The following ZNF418 variants were observed in gnomAD, a reference collection of about 807,000 sequenced individuals.
ZNF418 encodes zinc finger protein 418.
ZNF418 carries 32 observed loss-of-function variants against 32.0 expected under a neutral mutation model. That is an observed-to-expected ratio of 1.00 (90% CI 0.75 to 1.34). The LOEUF (loss-of-function observed/expected upper bound fraction) is 1.34. Ranked by LOEUF, ZNF418 falls within the 40% of genes most tolerant of loss-of-function variation. The pLI is 0.00. For missense variants in ZNF418, 804 were observed against 812.5 expected, an observed-to-expected ratio of 0.99 and a Z score of 0.13; for synonymous variants, 276 against 270.7, an observed-to-expected ratio of 1.02 and a Z score of -0.19.
In ZNF418 at chr19:57,935,013, G is replaced by A. The variant is rs2072638662; in HGVS notation, c.-81+148C>T. On this transcript the variant is annotated intron_variant, in intron 1 of 5. Transcript: ENST00000396147. ...GTCGCTCTCCCCACCGCATCCCACAGGTGTCAGAAACAAGGACCTCTCCCG... is the reference window on the plus strand; with the variant it reads ...GTCGCTCTCCCCACCGCATCCCACAAGTGTCAGAAACAAGGACCTCTCCCG... 2.1e-6 allele frequency: 3 copies of A among 1,423,160 alleles called. No individual in the cohort carries two copies. In the African/African-American group the frequency reaches 4.3e-5, roughly 21 times the overall value. 88.2% of individuals were successfully genotyped at this position (1,423,160 alleles called of 1,614,324 possible).
intron 2 of ZNF418, chr19:57,932,290 T>C (rs2072518684): frequency 1.4e-6 from 1 of 730,244 alleles, no homozygotes; most frequent in Non-Finnish European, 2.3e-6. Flanking sequence ...GGATTTGTGC[T>C]CAGGCCATTT....
rs768084870 is a variant in ZNF418, at chr19:57,926,833, C to T, written c.1348G>A (p.Gly450Arg). The T allele has an allele frequency of 1.9e-6, 3 of 1,614,070 alleles. No homozygotes were observed. Among genetic ancestry groups the T allele is most frequent in the South Asian group, 2.2e-5 (2 of 91,080 alleles). The change falls in exon 4 of 6, where the codon GGA becomes AGA. Residue 450 changes from glycine to arginine, a missense_variant. Physicochemically the swap from Gly to Arg is moderately radical, Grantham distance 125 (BLOSUM62 -2). Coordinates refer to ENST00000396147, the MANE Select transcript of ZNF418 (RefSeq NM_133460.3). Reference sequence around the variant, plus strand: ...TCTCTACACTCATAAGGCCTTTCTCCAGTGTGGCTTCGCTGATGCTGAATG... The same window carrying T: ...TCTCTACACTCATAAGGCCTTTCTCTAGTGTGGCTTCGCTGATGCTGAATG... Reference protein sequence around the residue: ...NLIQHQRSHTGERPYECRECR... With the variant: ...NLIQHQRSHTRERPYECRECR...
chr19:57,933,937 C>G, intron 1 of ZNF418, 35 bp from the exon 2 acceptor site: 1 of 1,605,852 alleles, frequency 6.2e-7, no homozygotes, highest in Non-Finnish European at 8.5e-7. Flanking sequence ...ACATCACCTC[C>G]TCGCCGCCCT....
intron 2 of ZNF418, chr19:57,932,637 G>A: frequency 6.9e-7 from 1 of 1,443,566 alleles, no homozygotes; most frequent in East Asian, 2.6e-5. Context: ...CCCTTGTTAT[G>A]GAGAATGGTC....
In ZNF418 at chr19:57,935,310, G is replaced by T; in HGVS notation, c.-230C>A. The T allele has an allele frequency of 1.1e-6, 1 of 922,332 alleles. No individual in the cohort carries two copies. Among genetic ancestry groups the T allele is most frequent in the Non-Finnish European group, 1.3e-6 (1 of 745,352 alleles). 57.1% of individuals were successfully genotyped at this position (922,332 alleles called of 1,614,324 possible). On this transcript the variant is annotated 5_prime_UTR_variant, in exon 1 of 6. Coordinates refer to ENST00000396147, the MANE Select transcript of ZNF418 (RefSeq NM_133460.3). ...TTCTGGGTTCAGACACCGCGGTTCGGACCCATAGCTCCAGCGCCTCTCACC... is the reference window on the plus strand; with the variant it reads ...TTCTGGGTTCAGACACCGCGGTTCGTACCCATAGCTCCAGCGCCTCTCACC...
At chr19:57,932,247 G>C (rs911818630) in intron 2 of ZNF418, among the ~76,000 whole-genome samples, 4 of 152,192 alleles carry the variant, frequency 2.6e-5, no homozygotes, top group South Asian at 2.1e-4. Flanking sequence ...TGTTAGGCCA[G>C]GATACATTAT....
chr19:57,926,794 A>G lies in ZNF418; in HGVS notation c.1387T>C (p.Phe463Leu). 1 of 1,614,060 alleles carries G rather than the reference A, an allele frequency of 6.2e-7. No homozygotes were observed. The highest frequency in any genetic ancestry group is 8.5e-7 in the Non-Finnish European group (1 of 1,179,974). ...TCAATGAGGTGGGACTTGCCCCTAA[A>G]TAATTTCCTACACTCTCTACACTCA... ...PYECRECRKL[F>L]RGKSHLIEHQ... is the part of the protein sequence containing the mutation. Residue 463 changes from phenylalanine (F) to leucine (L), a missense_variant, in exon 4 of 6, where the codon TTT becomes CTT. Around this residue, in one of 3 missense-constraint regions of ZNF418, gnomAD observed 475 missense variants for 458.6 expected, o/e 1.04. Transcript: ENST00000396147.
chr19:57,926,502 TGA>T lies in ZNF418; in HGVS notation c.1677_1678del (p.Thr561CysfsTer6), dbSNP rs1568542031. The T allele has an allele frequency of 3.1e-6, 5 of 1,614,000 alleles. No homozygotes were observed. The South Asian group carries it at 5.5e-5, about 18-fold the overall frequency. ...GCACTCATAAGGTCTTTCTGCAGTG[TGA>T]GTTTTCTGATGTCGAAGGAGGGAAG... On this transcript the variant is annotated frameshift_variant, in exon 4 of 6. Transcript: ENST00000396147. LOFTEE classifies it low-confidence loss of function (END_TRUNC).
chr19:57,922,313 AAG>A lies in ZNF418; in HGVS notation c.*940_*941del, dbSNP rs2072026276. On this transcript the variant is annotated 3_prime_UTR_variant, in exon 6 of 6. Transcript: ENST00000396147. ...CTCTTTGTTAGTTTCATCAATCGAG[AAG>A]AGAGGGGAGGGTATGCAAAATAAAA... 5.8e-6 allele frequency: 2 copies of A among 342,480 alleles called. No individual in the cohort carries two copies. Among genetic ancestry groups the A allele is most frequent in the Admixed American group, 4.8e-5 (1 of 21,008 alleles). The allele number at this position is 342,480 out of a possible 1,614,324, so 21.2% of individuals were successfully genotyped here.
At position 57,926,647 on chromosome 19, in the gene ZNF418, A is replaced by C. The variant is rs778252629; in HGVS notation, c.1534T>G (p.Cys512Gly). The change falls in exon 4 of 6, where the codon TGT becomes GGT. Residue 512 changes from cysteine (C) to glycine (G), a missense_variant. Cys to Gly is a radical substitution (Grantham distance 159). Coordinates refer to ENST00000396147, the MANE Select transcript of ZNF418 (RefSeq NM_133460.3). The stretch of plus-strand genomic sequence containing the variant: ...GGAAATGACTTCCCACATTCACTAC[A>C]CTCAAACGGTTTTTCTCCAGTGTGA... Reference protein sequence around the residue: ...RVHTGEKPFECSECGKSFPQS... With the variant: ...RVHTGEKPFEGSECGKSFPQS... The C allele has an allele frequency of 6.2e-7, 1 of 1,614,076 alleles. No individual in the cohort carries two copies. The highest frequency in any genetic ancestry group is 8.5e-7 in the Non-Finnish European group (1 of 1,180,018).
chr19:57,932,357 T>C (rs983967185), intron 2 of ZNF418: 14 of 1,434,606 alleles, frequency 9.8e-6, no homozygotes, highest in Non-Finnish European at 8.5e-6. Flanking sequence ...CCTTTCATTT[T>C]CGGCCTTATG....
intron 1 of ZNF418, 175 bp from the exon 2 acceptor site, chr19:57,934,077 C>A: frequency 7.1e-7 from 1 of 1,417,698 alleles, no homozygotes; most frequent in Non-Finnish European, 9.2e-7. Flanking sequence ...GTGTCATGGA[C>A]TTAGGATTCT....
At position 57,927,640 on chromosome 19, in the gene ZNF418, G is replaced by C. The variant is rs1337626346; in HGVS notation, c.541C>G (p.His181Asp). 1.2e-6 allele frequency: 2 copies of C among 1,614,024 alleles called. No individual in the cohort carries two copies. Among genetic ancestry groups the C allele is most frequent in the South Asian group, 2.2e-5 (2 of 91,060 alleles). ...TTGCTGTTTGACTTCTCCCCAGTGT[G>C]AGTGGCCTCCTGCAGCAGTAATCCT... ...SSGLLLQEAT[H>D]TGEKSNSKPE... Residue 181 changes from histidine to aspartate, a missense_variant, in exon 4 of 6, where the codon CAC (histidine) becomes GAC (aspartate). Physicochemically the swap from His to Asp is moderately conservative, Grantham distance 81. Coordinates refer to ENST00000396147, the MANE Select transcript of ZNF418 (RefSeq NM_133460.3).
At chr19:57,935,065 G>T in intron 1 of ZNF418, 96 bp downstream of exon 1, 1 of 1,340,338 alleles carries the variant, frequency 7.5e-7, no homozygotes, top group Non-Finnish European at 9.7e-7. Context: ...CCGACGCCGG[G>T]TCCGGGCTGC....
chr19:57,928,891 G>A (rs982048342), intron 3 of ZNF418, among the ~76,000 whole-genome samples: 66 of 152,144 alleles, frequency 4.3e-4, no homozygotes, highest in African/African-American at 1.5e-3. Context: ...CTACTCGGGA[G>A]GCTGAGGCAG....
chr19:57,930,306 G>A lies in ZNF418; in HGVS notation c.133+122C>T, dbSNP rs533981192. 3.0e-5 allele frequency: 45 copies of A among 1,481,124 alleles called. No homozygotes were observed. In the African/African-American group the frequency reaches 4.9e-4, roughly 16 times the overall value. The allele number at this position is 1,481,124 out of a possible 1,614,324, so 91.7% of individuals were successfully genotyped here. A position where few individuals can be genotyped will look rare whatever the true frequency, so the allele number is the denominator to read the frequency against. ...ACCTACCAACCACAAAACCTACCCA[G>A]AGAAGTGGAGAAGGAAGCTGTGCCC... On this transcript the variant is annotated intron_variant, in intron 3 of 5. Coordinates refer to ENST00000396147, the MANE Select transcript of ZNF418 (RefSeq NM_133460.3).
intron 4 of ZNF418, among the ~76,000 whole-genome samples, chr19:57,924,228 T>TGCAGCAATGAGTCTCTGCG (rs2072123230): frequency 1.3e-5 from 2 of 152,122 alleles, no homozygotes; most frequent in African/African-American, 4.8e-5. Flanking sequence ...ATGTCCTAAG[T>TGCAGCAATGAGTCTCTGCG]GCAGCAATGA....
At chr19:57,929,310 C>T (rs2072384373) in intron 3 of ZNF418, among the ~76,000 whole-genome samples, 2 of 152,258 alleles carry the variant, frequency 1.3e-5, no homozygotes, top group South Asian at 2.1e-4. Context: ...CATGCCCTCC[C>T]ACCAGGTGCC....
intron 2 of ZNF418, chr19:57,932,608 G>C: frequency 6.7e-7 from 1 of 1,489,784 alleles, no homozygotes; most frequent in Non-Finnish European, 8.9e-7. Flanking sequence ...TGTCCACCTA[G>C]AGTCATTTAA....
Sources: allele counts gnomAD v4.1 joint callset (sites outside exome capture counted in the v4.1 genomes callset), GRCh38; gene constraint gnomAD v4.1.1; regional missense constraint gnomAD v4.1.1; transcripts MANE v1.5; gene names NCBI Gene and HGNC (gene_info 2026-07-23, HGNC 2026-07-21).